The following ZBTB20 variants were observed in gnomAD, a reference collection of about 807,000 sequenced individuals.
ZBTB20 encodes the protein zinc finger and BTB domain-containing protein 20.
A neutral mutation model predicts 56.9 loss-of-function variants in ZBTB20; 9 were observed. The ratio of observed to expected loss-of-function variants is 0.16; its 90% confidence interval spans 0.10 to 0.28. The LOEUF (loss-of-function observed/expected upper bound fraction) is 0.28. Among genes scored for constraint, ZBTB20 ranks in the 10% least tolerant of loss-of-function variants. ZBTB20 has a pLI of 1.00. For missense variants in ZBTB20, 655 were observed against 1,003.0 expected (o/e 0.65, Z 4.69); for synonymous variants, 417 against 420.7 (o/e 0.99, Z 0.11).
In ZBTB20 at chr3:114,332,790, G is replaced by C. The variant is rs937526947; in HGVS notation, c.*6215C>G. On this transcript the variant is annotated 3_prime_UTR_variant, in exon 12 of 12. Coordinates refer to ENST00000675478, the MANE Select transcript of ZBTB20 (RefSeq NM_001348800.3). ...GTCACTTAAGATTAGATTTCAGTCT[G>C]AAAGTCTACAGTTTACGGAGCAAAA... The C allele has an allele frequency of 1.3e-5, 2 of 152,202 alleles. No individual in the cohort carries two copies. Among genetic ancestry groups the C allele is most frequent in the Non-Finnish European group, 2.9e-5 (2 of 68,032 alleles). The allele number at this position is 152,202 out of a possible 1,614,324, so 9.4% of individuals were successfully genotyped here. A position where few individuals can be genotyped will look rare whatever the true frequency, so the allele number is the denominator to read the frequency against.
intron 5 of ZBTB20, among the ~76,000 whole-genome samples, chr3:114,697,753 G>C (rs905027227): frequency 1.3e-5 from 2 of 151,904 alleles, no homozygotes; most frequent in African/African-American, 4.8e-5. Flanking sequence ...GAGAGGGAGG[G>C]AGGAAAAAGA....
chr3:114,899,832 A>AT (rs200142363), intron 4 of ZBTB20, among the ~76,000 whole-genome samples: 4 of 151,582 alleles, frequency 2.6e-5, no homozygotes, highest in Admixed American at 6.6e-5. Flanking sequence ...AGGTGCAAAC[A>AT]TTTTTTTTTC....
At chr3:114,775,501 C>T (rs2069529359) in intron 5 of ZBTB20, among the ~76,000 whole-genome samples, 1 of 150,304 alleles carries the variant, frequency 6.7e-6, no homozygotes. Flanking sequence ...CTTACTCCAC[C>T]TCTTTTCCTT....
chr3:115,139,934 T>C (rs2084764017), intron 1 of ZBTB20, among the ~76,000 whole-genome samples: 1 of 152,028 alleles, frequency 6.6e-6, no homozygotes. Context: ...TTTACTAGTG[T>C]GCTATGTTAG....
At chr3:114,790,459 A>T (rs980544199) in intron 5 of ZBTB20, among the ~76,000 whole-genome samples, 1 of 152,136 alleles carries the variant, frequency 6.6e-6, no homozygotes, top group African/African-American at 2.4e-5. Flanking sequence ...AATTATGGTC[A>T]TTCTTCCAGG....
At chr3:114,827,475 A>T (rs1412159379) in intron 4 of ZBTB20, among the ~76,000 whole-genome samples, 1 of 151,844 alleles carries the variant, frequency 6.6e-6, no homozygotes, top group African/African-American at 2.4e-5. Flanking sequence ...CGGTAGGCTG[A>T]TACTGCAAGC....
intron 6 of ZBTB20, among the ~76,000 whole-genome samples, chr3:114,570,939 G>A (rs1371381316): frequency 6.6e-6 from 1 of 152,066 alleles, no homozygotes; most frequent in Non-Finnish European, 1.5e-5. Flanking sequence ...TATTTGTAAG[G>A]TATGATTTAT....
intron 3 of ZBTB20, among the ~76,000 whole-genome samples, chr3:114,959,254 C>CA (rs201899270): frequency 3.3e-5 from 5 of 151,494 alleles, no homozygotes; most frequent in Admixed American, 2.0e-4. Context: ...TGTTAATAAA[C>CA]AAAAAAAATT....
intron 6 of ZBTB20, among the ~76,000 whole-genome samples, chr3:114,676,878 G>A (rs552762910): frequency 6.6e-5 from 10 of 151,300 alleles, no homozygotes; most frequent in African/African-American, 2.4e-4. Context: ...TGGTTCAAGC[G>A]ATTCTCCTGC....
rs1386322854 is a variant in ZBTB20, at chr3:115,029,674, C to T, written c.-507+41545G>A. On this transcript the variant is annotated intron_variant, in intron 2 of 11. Coordinates refer to ENST00000675478, the MANE Select transcript of ZBTB20 (RefSeq NM_001348800.3). ...TTTTTTTCAATTGATGGTGCTGAGA[C>T]AACTGGTTAAATATTTAGAACAGAG... 5.3e-5 allele frequency among the ~76,000 whole-genome samples: 8 copies of T among 150,618 alleles called. No homozygotes were observed. The East Asian group carries it at 1.4e-3, about 26-fold the overall frequency.
Position 114,316,407 on chromosome 3 carries a change from T to G in ZBTB20, c.*22598A>C. On this transcript the variant is annotated 3_prime_UTR_variant, in exon 12 of 12. Transcript: ENST00000675478. ...CTGCTGCTGTTTGTGTAGCATCTGG[T>G]TTTGTAATGAGCATCTGGATTTGTA... The G allele has an allele frequency of 2.2e-6, 1 of 455,700 alleles. No individual in the cohort carries two copies. The highest frequency in any genetic ancestry group is 7.4e-5 in the East Asian group (1 of 13,446). 28.2% of individuals were successfully genotyped at this position (455,700 alleles called of 1,614,324 possible). A position where few individuals can be genotyped will look rare whatever the true frequency, so the allele number is the denominator to read the frequency against.
At chr3:114,496,917 C>T (rs1414127474) in intron 7 of ZBTB20, among the ~76,000 whole-genome samples, 5 of 152,184 alleles carry the variant, frequency 3.3e-5, no homozygotes, top group African/African-American at 9.7e-5. Flanking sequence ...CCTGCTCCTC[C>T]CTCACACCCA....
At chr3:114,697,061 TAA>T (rs35130350) in intron 5 of ZBTB20, among the ~76,000 whole-genome samples, 20 of 110,782 alleles carry the variant, frequency 1.8e-4, no homozygotes, top group South Asian at 2.9e-4. Context: ...TGTACTTTGT[TAA>T]AAAAAAAAAA....
chr3:114,578,038 A>G (rs1452496636), intron 6 of ZBTB20, among the ~76,000 whole-genome samples: 1 of 152,224 alleles, frequency 6.6e-6, no homozygotes, highest in Non-Finnish European at 1.5e-5. Flanking sequence ...CCTCAGCATG[A>G]ATATGCTTGA....
intron 1 of ZBTB20, among the ~76,000 whole-genome samples, chr3:115,079,323 C>T (rs796143423): frequency 1.6e-4 from 25 of 152,160 alleles, no homozygotes; most frequent in South Asian, 4.1e-4. Context: ...GAAATATGTG[C>T]GCATAGCTAC....
At position 114,317,534 on chromosome 3, in the gene ZBTB20, T is replaced by G. The variant is rs1256938186; in HGVS notation, c.*21471A>C. The G allele has an allele frequency of 6.6e-6, 1 of 152,212 alleles. No individual in the cohort carries two copies. Among genetic ancestry groups the G allele is most frequent in the African/African-American group, 2.4e-5 (1 of 41,448 alleles). The allele number at this position is 152,212 out of a possible 1,614,324, so 9.4% of individuals were successfully genotyped here. A position where few individuals can be genotyped will look rare whatever the true frequency, so the allele number is the denominator to read the frequency against. On this transcript the variant is annotated 3_prime_UTR_variant, in exon 12 of 12. Coordinates refer to ENST00000675478, the MANE Select transcript of ZBTB20 (RefSeq NM_001348800.3). The stretch of plus-strand genomic sequence containing the variant: ...GAAATCAAACGGATTTAGGCTGTCA[T>G]GTACATGGTTACTCAATGCTTTAAA...
At chr3:115,002,066 A>C (rs969486443) in intron 2 of ZBTB20, among the ~76,000 whole-genome samples, 4 of 151,598 alleles carry the variant, frequency 2.6e-5, no homozygotes, top group Non-Finnish European at 5.9e-5. Context: ...CAGAAGAGAG[A>C]GGCCAGAAAT....
intron 4 of ZBTB20, among the ~76,000 whole-genome samples, chr3:114,832,656 T>C (rs1159245172): frequency 6.6e-6 from 1 of 152,134 alleles, no homozygotes; most frequent in Non-Finnish European, 1.5e-5. Context: ...ATTTCTAAAA[T>C]TCTCTAGGCT....
intron 8 of ZBTB20, among the ~76,000 whole-genome samples, chr3:114,386,901 C>A (rs1187907908): frequency 6.6e-6 from 1 of 152,084 alleles, no homozygotes; most frequent in Non-Finnish European, 1.5e-5. Flanking sequence ...CCTATTATGT[C>A]GAATTGCCAT....
Sources: gnomAD v4.1 joint callset for allele counts (sites outside exome capture counted in the v4.1 genomes callset) on GRCh38, gnomAD v4.1.1 for gene constraint, MANE v1.5 for transcripts, NCBI Gene and HGNC (gene_info 2026-07-23, HGNC 2026-07-21) for gene names.